The following ZFPM2 variants were observed in gnomAD, a reference collection of about 807,000 sequenced individuals.
The protein encoded by ZFPM2 is zinc finger protein ZFPM2.
ZFPM2 carries 20 observed loss-of-function variants against 98.6 expected under a neutral mutation model. The observed-to-expected ratio is 0.20, with a 90% CI of 0.14 to 0.29. The LOEUF (loss-of-function observed/expected upper bound fraction) is 0.29. Ranked by LOEUF, ZFPM2 falls within the 10% of genes least tolerant of loss-of-function variation. The pLI, the probability that ZFPM2 is intolerant of heterozygous loss-of-function variation, is 1.00. For missense variants in ZFPM2, 1,310 were observed against 1,388.6 expected (o/e 0.94, Z 0.90); for synonymous variants, 518 against 502.7 (o/e 1.03, Z -0.41).
At chr8:105,466,081 G>A (rs893385105) in intron 3 of ZFPM2, among the ~76,000 whole-genome samples, 3 of 151,986 alleles carry the variant, frequency 2.0e-5, no homozygotes, top group African/African-American at 7.2e-5. Flanking sequence ...TAAATCTTGT[G>A]ATGAGTGGTT....
chr8:105,534,502 C>T (rs1222220120), intron 3 of ZFPM2, among the ~76,000 whole-genome samples: 1 of 151,118 alleles, frequency 6.6e-6, no homozygotes, highest in Non-Finnish European at 1.5e-5. Flanking sequence ...TTCTCTTCCT[C>T]TTCCTCTGTT....
chr8:105,749,273 A>G (rs1812420898), intron 5 of ZFPM2, among the ~76,000 whole-genome samples: 1 of 152,086 alleles, frequency 6.6e-6, no homozygotes, highest in Admixed American at 6.6e-5. Context: ...GGTAATGTAC[A>G]GTAGGTAAAA....
At chr8:105,552,273 T>C (rs904118242) in intron 3 of ZFPM2, among the ~76,000 whole-genome samples, 1 of 152,178 alleles carries the variant, frequency 6.6e-6, no homozygotes, top group Non-Finnish European at 1.5e-5. Flanking sequence ...GACTTTTAGC[T>C]GCTGCACATT....
At position 105,621,419 on chromosome 8, in the gene ZFPM2, GTTTGGGGCTGAGAC is replaced by G. The variant is rs1384105697; in HGVS notation, c.421-12825_421-12812del. Among the ~76,000 whole-genome samples the G allele has an allele frequency of 3.3e-5, 5 of 152,198 alleles. No individual in the cohort carries two copies. The East Asian group carries it at 9.7e-4, about 29-fold the overall frequency. On this transcript the variant is annotated intron_variant, in intron 4 of 7. Transcript: ENST00000407775. ...TGAAGTTGCCTATCAGCTTAAGGAG[GTTTGGGGCTGAGAC>G]TATGGGGTTTTCTAAATATACAATC...
chr8:105,422,587 GGC>G (rs1811818089), intron 2 of ZFPM2, among the ~76,000 whole-genome samples: 1 of 151,992 alleles, frequency 6.6e-6, no homozygotes, highest in Non-Finnish European at 1.5e-5. Context: ...TTGGTCTAAA[GGC>G]TACCCATGAC....
At chr8:105,771,447 A>T (rs532007688) in intron 5 of ZFPM2, among the ~76,000 whole-genome samples, 1 of 152,296 alleles carries the variant, frequency 6.6e-6, no homozygotes, top group Admixed American at 6.5e-5. Flanking sequence ...TTTCAGGATG[A>T]AGACAATATA....
intron 6 of ZFPM2, among the ~76,000 whole-genome samples, chr8:105,790,958 T>C (rs182543846): frequency 1.2e-4 from 18 of 152,356 alleles, no homozygotes; most frequent in African/African-American, 4.3e-4. Flanking sequence ...GAGACTTTGC[T>C]GAAGTTGCTT....
chr8:105,471,139 G>A (rs1586396509), intron 3 of ZFPM2, among the ~76,000 whole-genome samples: 1 of 152,194 alleles, frequency 6.6e-6, no homozygotes, highest in Non-Finnish European at 1.5e-5. Flanking sequence ...CTGCGTTAGG[G>A]ATGTTCTCTT....
At chr8:105,354,847 G>A (rs12544108) in intron 1 of ZFPM2, among the ~76,000 whole-genome samples, 18,491 of 152,028 alleles carry the variant, frequency 0.12, 1,361 homozygotes, top group Non-Finnish European at 0.16. Flanking sequence ...CCACCTACTC[G>A]GGAGGCTGAG....
At chr8:105,327,576 A>T (rs1812137522) in intron 1 of ZFPM2, among the ~76,000 whole-genome samples, 1 of 151,738 alleles carries the variant, frequency 6.6e-6, no homozygotes, top group African/African-American at 2.4e-5. Context: ...TACAGAAAAA[A>T]TAGCTAAAAA....
intron 2 of ZFPM2, among the ~76,000 whole-genome samples, chr8:105,424,283 G>A (rs1400356334): frequency 1.3e-5 from 2 of 152,158 alleles, no homozygotes; most frequent in African/African-American, 4.8e-5. Context: ...ATAAAGGCCA[G>A]AAGGGAAAAT....
chr8:105,674,628 C>A (rs1817655104), intron 5 of ZFPM2, among the ~76,000 whole-genome samples: 1 of 152,218 alleles, frequency 6.6e-6, no homozygotes, highest in South Asian at 2.1e-4. Context: ...GGGGAAACCA[C>A]CGAACAACAA....
At chr8:105,594,250 G>T (rs1301263296) in intron 4 of ZFPM2, among the ~76,000 whole-genome samples, 1 of 152,004 alleles carries the variant, frequency 6.6e-6, no homozygotes, top group Non-Finnish European at 1.5e-5. Context: ...GTTGTCTCTT[G>T]TGTTTGAGAA....
At chr8:105,791,348 C>G (rs1294162444) in intron 6 of ZFPM2, among the ~76,000 whole-genome samples, 2 of 152,170 alleles carry the variant, frequency 1.3e-5, no homozygotes, top group South Asian at 4.1e-4. Flanking sequence ...TTGAGATAAT[C>G]ATGTGGTTTT....
intron 5 of ZFPM2, among the ~76,000 whole-genome samples, chr8:105,647,295 G>A (rs565296428): frequency 6.6e-6 from 1 of 152,154 alleles, no homozygotes; most frequent in East Asian, 1.9e-4. Flanking sequence ...TTAGTAAAAG[G>A]AAGTAGAAAT....
intron 4 of ZFPM2, among the ~76,000 whole-genome samples, chr8:105,632,232 C>A (rs865937668): frequency 3.3e-5 from 5 of 152,078 alleles, no homozygotes; most frequent in African/African-American, 1.2e-4. Context: ...TACAGTAGCA[C>A]GATCTTGGCT....
intron 1 of ZFPM2, among the ~76,000 whole-genome samples, chr8:105,400,801 C>T (rs1811325098): frequency 6.6e-6 from 1 of 151,928 alleles, no homozygotes; most frequent in Admixed American, 6.6e-5. Flanking sequence ...TAAAATTAAA[C>T]ATAATTAAAA....
chr8:105,445,993 T>C (rs1477142801), intron 3 of ZFPM2, among the ~76,000 whole-genome samples: 1 of 151,866 alleles, frequency 6.6e-6, no homozygotes, highest in Non-Finnish European at 1.5e-5. Context: ...TGATCTCGGC[T>C]CACCACAACC....
At chr8:105,450,187 A>G (rs1414916717) in intron 3 of ZFPM2, among the ~76,000 whole-genome samples, 1 of 152,132 alleles carries the variant, frequency 6.6e-6, no homozygotes, top group Non-Finnish European at 1.5e-5. Flanking sequence ...TGATCAGGCA[A>G]GTTCTGCTTT....
Sources: gnomAD v4.1 joint callset for allele counts (sites outside exome capture counted in the v4.1 genomes callset) on GRCh38, gnomAD v4.1.1 for gene constraint, MANE v1.5 for transcripts, NCBI Gene and HGNC (gene_info 2026-07-23, HGNC 2026-07-21) for gene names.